NLGN1: variants seen among roughly 807,000 people sequenced by gnomAD.
NLGN1 encodes neuroligin-1.
A neutral mutation model predicts 65.5 loss-of-function variants in NLGN1; 12 were observed. The observed-to-expected ratio is 0.18, with a 90% CI of 0.12 to 0.30. The LOEUF (loss-of-function observed/expected upper bound fraction) is 0.30. NLGN1 is among the 10% of genes least tolerant of loss of function. NLGN1 has a pLI of 1.00. For missense variants in NLGN1, 750 were observed against 1,007.1 expected (o/e 0.74, Z 3.46); for synonymous variants, 350 against 359.5 (o/e 0.97, Z 0.30).
At chr3:173,415,937 A>AGC (rs1258466621) in intron 1 of NLGN1, among the ~76,000 whole-genome samples, 1,808 of 142,842 alleles carry the variant, frequency 0.013, 16 homozygotes, top group Non-Finnish European at 0.016. Context: ...AGAGAGAGAG[A>AGC]GAGAGAGCTT....
intron 2 of NLGN1, among the ~76,000 whole-genome samples, chr3:173,566,911 G>A (rs1479877931): frequency 3.3e-5 from 5 of 152,072 alleles, no homozygotes; most frequent in African/African-American, 1.2e-4. Flanking sequence ...ACTTTAGAAA[G>A]GGAGATTTAT....
rs555460427 is a variant in NLGN1 at position 174,166,059 on chromosome 3, G to A, written c.647-109256G>A. Among the ~76,000 whole-genome samples the A allele has an allele frequency of 1.9e-3, 285 of 151,938 alleles. 1 individual carries two copies. The highest frequency in any genetic ancestry group is 6.7e-3 in the African/African-American group (277 of 41,496). ...TTATAATGCCACGTTTGTCATTTCT[G>A]ATTGGGCTTATTTGGATCTTCTCCT... is the stretch of plus-strand genomic sequence containing the variant. On this transcript the variant is annotated intron_variant, in intron 4 of 6. Coordinates refer to ENST00000457714, the Ensembl canonical transcript of NLGN1.
chr3:173,844,513 A>G (rs1433034107), intron 4 of NLGN1, among the ~76,000 whole-genome samples: 1 of 152,194 alleles, frequency 6.6e-6, no homozygotes, highest in Non-Finnish European at 1.5e-5. Context: ...TGCATAATTA[A>G]TAGAACACAT....
chr3:173,750,816 C>T (rs1184133239), intron 3 of NLGN1, among the ~76,000 whole-genome samples: 1 of 151,978 alleles, frequency 6.6e-6, no homozygotes, highest in African/African-American at 2.4e-5. Flanking sequence ...GTCTAAACTC[C>T]AGCTCTGTTA....
At chr3:173,465,830 A>G (rs1724252298) in intron 2 of NLGN1, among the ~76,000 whole-genome samples, 1 of 152,340 alleles carries the variant, frequency 6.6e-6, no homozygotes, top group East Asian at 1.9e-4. Flanking sequence ...AGAAGTTTCA[A>G]GAAAGAAGAT....
chr3:173,654,595 C>T (rs1759696140), intron 3 of NLGN1, among the ~76,000 whole-genome samples: 1 of 152,066 alleles, frequency 6.6e-6, no homozygotes, highest in African/African-American at 2.4e-5. Flanking sequence ...TAATATTTCT[C>T]AACTTGGATG....
intron 4 of NLGN1, among the ~76,000 whole-genome samples, chr3:174,172,408 TG>T (rs1728713541): frequency 1.3e-5 from 2 of 152,144 alleles, no homozygotes; most frequent in African/African-American, 4.8e-5. Context: ...AACTATTTTT[TG>T]TACCCACTAA....
chr3:173,432,383 GCATTT>G (rs1249997038), intron 1 of NLGN1, among the ~76,000 whole-genome samples: 1 of 152,180 alleles, frequency 6.6e-6, no homozygotes. Context: ...CTCCTTGCCA[GCATTT>G]AGTGTTGTCA....
At chr3:173,516,917 A>T (rs1733907091) in intron 2 of NLGN1, among the ~76,000 whole-genome samples, 2 of 152,090 alleles carry the variant, frequency 1.3e-5, no homozygotes, top group African/African-American at 2.4e-5. Context: ...TACTTCATAG[A>T]ATTATATTAA....
chr3:174,194,986 C>T (rs185408861), intron 4 of NLGN1, among the ~76,000 whole-genome samples: 351 of 151,952 alleles, frequency 2.3e-3, no homozygotes, highest in Non-Finnish European at 3.8e-3. Flanking sequence ...CTCAGCCTCC[C>T]GAGTAGCTGG....
intron 4 of NLGN1, among the ~76,000 whole-genome samples, chr3:174,108,143 A>G (rs1446801444): frequency 6.6e-6 from 1 of 152,064 alleles, no homozygotes; most frequent in Non-Finnish European, 1.5e-5. Flanking sequence ...TAAAATTTTG[A>G]TAAATTCTAT....
chr3:173,566,848 G>A (rs995543639), intron 2 of NLGN1, among the ~76,000 whole-genome samples: 24 of 152,128 alleles, frequency 1.6e-4, no homozygotes, highest in African/African-American at 4.6e-4. Context: ...TTTGTATTGA[G>A]TAAAAAAGAG....
intron 4 of NLGN1, among the ~76,000 whole-genome samples, chr3:173,868,462 T>A (rs1578884634): frequency 6.6e-6 from 1 of 152,170 alleles, no homozygotes; most frequent in Admixed American, 6.5e-5. Flanking sequence ...AAAATTAGTA[T>A]GCGGTAAGTC....
chr3:174,114,024 T>C (rs1360287016), intron 4 of NLGN1, among the ~76,000 whole-genome samples: 4 of 152,168 alleles, frequency 2.6e-5, no homozygotes, highest in African/African-American at 9.6e-5. Context: ...GATGCTCTCT[T>C]CTCTAACTTT....
intron 4 of NLGN1, among the ~76,000 whole-genome samples, chr3:173,860,560 G>A (rs1407144837): frequency 6.6e-6 from 1 of 152,064 alleles, no homozygotes; most frequent in Non-Finnish European, 1.5e-5. Context: ...TGTTACAGTA[G>A]GAAGAAAAAT....
intron 4 of NLGN1, among the ~76,000 whole-genome samples, chr3:173,836,898 C>T (rs1177208143): frequency 6.6e-6 from 1 of 152,150 alleles, no homozygotes; most frequent in Non-Finnish European, 1.5e-5. Context: ...ATAATGCTCA[C>T]ATGGGTAAAG....
intron 1 of NLGN1, among the ~76,000 whole-genome samples, chr3:173,410,645 A>G (rs1056681181): frequency 6.6e-6 from 1 of 152,224 alleles, no homozygotes; most frequent in African/African-American, 2.4e-5. Context: ...CATTTGAGTC[A>G]TAGGCTTGCT....
intron 2 of NLGN1, among the ~76,000 whole-genome samples, chr3:173,516,037 A>G (rs1378857253): frequency 6.6e-6 from 1 of 151,986 alleles, no homozygotes; most frequent in Non-Finnish European, 1.5e-5. Flanking sequence ...TGTGAACTCC[A>G]TTTTACAAAT....
chr3:174,065,726 A>T (rs1290676703), intron 4 of NLGN1, among the ~76,000 whole-genome samples: 1 of 152,090 alleles, frequency 6.6e-6, no homozygotes, highest in African/African-American at 2.4e-5. Flanking sequence ...TAAAAAAAAA[A>T]ACAACATGAC....
Sources: gnomAD v4.1 joint callset for allele counts (sites outside exome capture counted in the v4.1 genomes callset) on GRCh38, gnomAD v4.1.1 for gene constraint, MANE v1.5 for transcripts, NCBI Gene and HGNC (gene_info 2026-07-23, HGNC 2026-07-21) for gene names.